Variants in LHCGR observed in about 807,000 individuals in gnomAD.
LHCGR encodes the protein luteinizing hormone/choriogonadotropin receptor.
LHCGR carries 55 observed loss-of-function variants against 60.7 expected under a neutral mutation model. The ratio of observed to expected loss-of-function variants is 0.91; its 90% CI spans 0.73 to 1.13. LHCGR has a LOEUF of 1.13. LHCGR is among the 50% of genes most tolerant of loss of function. The probability of loss-of-function intolerance (pLI) is 0.00; values close to 1 mark genes in which losing one functional copy is unlikely to be tolerated. For missense variants in LHCGR, 862 were observed against 836.0 expected, an observed-to-expected ratio of 1.03 and a Z score of -0.38; for synonymous variants, 337 against 316.5, an observed-to-expected ratio of 1.06 and a Z score of -0.69.
At chr2:48,698,411 G>A (rs1000950926) in intron 9 of LHCGR, among the ~76,000 whole-genome samples, 1 of 152,318 alleles carries the variant, frequency 6.6e-6, no homozygotes, top group South Asian at 2.1e-4. Flanking sequence ...TAGCTGCAGG[G>A]TGAATCAACT....
chr2:48,687,097 G>A lies in LHCGR; in HGVS notation c.*600C>T, dbSNP rs1679930649. The A allele has an allele frequency of 6.6e-6, 1 of 152,576 alleles. No individual in the cohort carries two copies. The highest frequency in any genetic ancestry group is 2.1e-4 in the South Asian group (1 of 4,842). 9.5% of individuals were successfully genotyped at this position (152,576 alleles called of 1,614,324 possible). Reference sequence around the variant, plus strand: ...AAAAGTCTCTATAATAGAACAGATAGAACTTTCTGTGGTGATGAAAATATT... The same window carrying A: ...AAAAGTCTCTATAATAGAACAGATAAAACTTTCTGTGGTGATGAAAATATT... On this transcript the variant is annotated 3_prime_UTR_variant, in exon 11 of 11. Coordinates refer to ENST00000294954, the MANE Select transcript of LHCGR (RefSeq NM_000233.4).
intron 7 of LHCGR, among the ~76,000 whole-genome samples, chr2:48,710,962 G>T (rs1056252794): frequency 6.6e-6 from 1 of 152,172 alleles, no homozygotes; most frequent in Non-Finnish European, 1.5e-5. Flanking sequence ...CCTTTCCCAT[G>T]GCTGCTCAGT....
chr2:48,720,821 C>G (rs1001893008), intron 6 of LHCGR: 1 of 152,168 alleles, frequency 6.6e-6, no homozygotes, highest in African/African-American at 2.4e-5. Context: ...CCTTGGTCTC[C>G]TCATCTAAAA....
At chr2:48,696,558 C>A (rs1275254731) in intron 9 of LHCGR, among the ~76,000 whole-genome samples, 1 of 152,134 alleles carries the variant, frequency 6.6e-6, no homozygotes, top group Non-Finnish European at 1.5e-5. Context: ...TGATTTCTCA[C>A]AGAATGATCA....
In LHCGR at chr2:48,755,557, C is replaced by T. The variant is rs754380548; in HGVS notation, c.115G>A (p.Asp39Asn). Residue 39 changes from aspartate (D) to asparagine (N), a missense_variant, in exon 1 of 11, where the codon GAC (aspartate) becomes AAC (asparagine). Transcript: ENST00000294954. The stretch of plus-strand genomic sequence containing the variant: ...GGGCCGGGGCAGCGCAGGGCGCCGT[C>T]GGGCACGCAGTTGCAGGGCTCAGGG... ...LCPEPCNCVP[D>N]GALRCPGPTA... 34 of 1,540,960 alleles carry T rather than the reference C, an allele frequency of 2.2e-5. No individual in the cohort carries two copies. The African/African-American group carries it at 4.4e-4, about 20-fold the overall frequency.
intron 6 of LHCGR, among the ~76,000 whole-genome samples, chr2:48,722,150 A>G (rs1311408370): frequency 6.6e-6 from 1 of 152,166 alleles, no homozygotes; most frequent in East Asian, 1.9e-4. Context: ...CTCAGTTGCA[A>G]TAAAATAAAA....
chr2:48,699,875 A>G (rs1435044984), intron 8 of LHCGR, among the ~76,000 whole-genome samples: 1 of 152,264 alleles, frequency 6.6e-6, no homozygotes, highest in East Asian at 1.9e-4. Context: ...AAAAGAGTCA[A>G]TGGGAATTAA....
intron 1 of LHCGR, among the ~76,000 whole-genome samples, chr2:48,747,674 G>T (rs1449510505): frequency 6.6e-6 from 1 of 151,720 alleles, no homozygotes; most frequent in Non-Finnish European, 1.5e-5. Context: ...TGTAAATCTA[G>T]GGGAAAGCTC....
At chr2:48,706,642 C>A (rs1038862842) in intron 8 of LHCGR, among the ~76,000 whole-genome samples, 2 of 152,042 alleles carry the variant, frequency 1.3e-5, no homozygotes, top group African/African-American at 4.8e-5. Flanking sequence ...TTAATTTGAT[C>A]TTCAATGACT....
intron 9 of LHCGR, among the ~76,000 whole-genome samples, chr2:48,697,587 G>A (rs1292897656): frequency 2.0e-5 from 3 of 152,186 alleles, no homozygotes; most frequent in Non-Finnish European, 2.9e-5. Context: ...CCTCCTATAT[G>A]CAAGGTACAA....
chr2:48,691,161 T>C (rs1385721523), intron 10 of LHCGR, among the ~76,000 whole-genome samples: 1 of 152,264 alleles, frequency 6.6e-6, no homozygotes, highest in Non-Finnish European at 1.5e-5. Flanking sequence ...AGGAGCCTTA[T>C]GGTTCCTACA....
chr2:48,730,988 T>C (rs568127495), intron 2 of LHCGR, among the ~76,000 whole-genome samples: 2 of 152,180 alleles, frequency 1.3e-5, no homozygotes, highest in Non-Finnish European at 2.9e-5. Context: ...TCATCACTTA[T>C]AAAATGCATT....
intron 1 of LHCGR, among the ~76,000 whole-genome samples, chr2:48,735,616 C>T (rs1669176985): frequency 6.6e-6 from 1 of 152,184 alleles, no homozygotes; most frequent in Non-Finnish European, 1.5e-5. Flanking sequence ...TTCTGACTTT[C>T]AAACTGGGCC....
chr2:48,735,000 T>C (rs1245109382), intron 1 of LHCGR, among the ~76,000 whole-genome samples: 1 of 152,256 alleles, frequency 6.6e-6, no homozygotes, highest in Non-Finnish European at 1.5e-5. Context: ...AAATTTATTA[T>C]ATTTTCACAG....
In LHCGR at chr2:48,687,398, T is replaced by C. The variant is rs1037410286; in HGVS notation, c.*299A>G. On this transcript the variant is annotated 3_prime_UTR_variant, in exon 11 of 11. Transcript: ENST00000294954. ...AATTACGAAAATGAAAAAAAAGATA[T>C]GCAAAATACCTCCTCAGTTTTTTAA... 6.1e-6 allele frequency: 2 copies of C among 328,388 alleles called. No individual in the cohort carries two copies. The highest frequency in any genetic ancestry group is 4.7e-5 in the South Asian group (1 of 21,262). The allele number at this position is 328,388 out of a possible 1,614,324, so 20.3% of individuals were successfully genotyped here. A position where few individuals can be genotyped will look rare whatever the true frequency, so the allele number is the denominator to read the frequency against.
chr2:48,710,681 G>C (rs1667940126), intron 7 of LHCGR, among the ~76,000 whole-genome samples: 1 of 152,142 alleles, frequency 6.6e-6, no homozygotes, highest in East Asian at 1.9e-4. Context: ...TCTGGGAACA[G>C]TATGGACTGA....
intron 6 of LHCGR, among the ~76,000 whole-genome samples, chr2:48,715,978 A>T (rs1428877387): frequency 6.6e-6 from 1 of 152,142 alleles, no homozygotes; most frequent in Non-Finnish European, 1.5e-5. Flanking sequence ...TTCCCCGGGA[A>T]GGGGAGGCTT....
chr2:48,722,487 T>C (rs902403604), intron 6 of LHCGR, among the ~76,000 whole-genome samples: 5 of 152,156 alleles, frequency 3.3e-5, no homozygotes, highest in African/African-American at 1.2e-4. Context: ...GACTGGATCA[T>C]GGGGGTGGTT....
At position 48,688,108 on chromosome 2, in the gene LHCGR, T is replaced by C. The variant is rs755709408; in HGVS notation, c.1689A>G (p.Lys563=). The C allele has an allele frequency of 1.2e-6, 2 of 1,614,166 alleles. No homozygotes were observed. The highest frequency in any genetic ancestry group is 2.2e-5 in the South Asian group (2 of 91,084). The stretch of plus-strand genomic sequence containing the variant: ...CCATTTTCTTAGCAATCTTTGTATC[T>C]TTATTGGTAGCCATTAATTCTGGGT... ...VRNPELMATN[K]DTKIAKKMAI... is the part of the protein sequence containing the mutation. The change falls in exon 11 of 11, where the codon AAA becomes AAG. Residue 563 remains lysine (K), a synonymous_variant. Coordinates refer to ENST00000294954, the MANE Select transcript of LHCGR (RefSeq NM_000233.4). This position sits in a 1 kb window ranked among gnomAD's most constrained non-coding sequence, Gnocchi z 5.2.
Sources: gnomAD v4.1 joint callset for allele counts (sites outside exome capture counted in the v4.1 genomes callset) on GRCh38, gnomAD v4.1.1 for gene constraint, Gnocchi (gnomAD v3.1) non-coding constraint, MANE v1.5 for transcripts, NCBI Gene and HGNC (gene_info 2026-07-23, HGNC 2026-07-21) for gene names.